DENND2A: variants seen among roughly 807,000 people sequenced by gnomAD.
DENND2A encodes the protein DENN domain containing 2A.
Under a neutral mutation model 105.3 loss-of-function variants are expected in DENND2A, and 53 were observed. The observed-to-expected ratio is 0.50, with a 90% CI of 0.40 to 0.63. DENND2A has a LOEUF of 0.63. Among genes scored for constraint, DENND2A ranks in the 30% least tolerant of loss-of-function variants. DENND2A has a pLI of 0.00. For missense variants in DENND2A, 1,138 were observed against 1,279.6 expected, an observed-to-expected ratio of 0.89 and a Z score of 1.69; for synonymous variants, 522 against 508.4, an observed-to-expected ratio of 1.03 and a Z score of -0.36.
At chr7:140,592,301 G>A (rs1799089378) in intron 3 of DENND2A, among the ~76,000 whole-genome samples, 1 of 150,978 alleles carries the variant, frequency 6.6e-6, no homozygotes, top group African/African-American at 2.4e-5. Context: ...CCACCTCCTC[G>A]GTTCACACCA....
chr7:140,595,628 G>A (rs543030943), intron 3 of DENND2A, among the ~76,000 whole-genome samples: 1 of 152,238 alleles, frequency 6.6e-6, no homozygotes, highest in East Asian at 1.9e-4. Flanking sequence ...AATTAGCTGG[G>A]TGTGGTGGCA....
chr7:140,595,197 GAGTT>G (rs1052917183), intron 3 of DENND2A, among the ~76,000 whole-genome samples: 8 of 151,782 alleles, frequency 5.3e-5, no homozygotes, highest in African/African-American at 1.5e-4. Context: ...AGTAGAGACA[GAGTT>G]TCCCCATGTT....
chr7:140,592,140 A>G (rs1585711002), intron 3 of DENND2A, among the ~76,000 whole-genome samples: 1 of 149,156 alleles, frequency 6.7e-6, no homozygotes. Context: ...TCTGGGTTCA[A>G]GCAATTCTCC....
In DENND2A at chr7:140,602,126, T is replaced by C; in HGVS notation, c.272A>G (p.Gln91Arg). 6.2e-7 allele frequency: 1 copy of C among 1,614,164 alleles called. No individual in the cohort carries two copies. The highest frequency in any genetic ancestry group is 8.5e-7 in the Non-Finnish European group (1 of 1,180,016). ...CATTCCATTCTTAGCCTCTGTGACC[T>C]GAGTTCTCACCCCATCACTACTCCT... ...ERRSSDGVRT[Q>R]VTEAKNGMRP... The change falls in exon 3 of 20, where the codon CAG becomes CGG. Residue 91 changes from glutamine to arginine, a missense_variant. By Grantham distance (43) the Gln-to-Arg change is conservative. This residue lies in a region of DENND2A where 511 missense variants were observed against 499.9 expected (regional missense o/e 1.02). Coordinates refer to ENST00000496613, the MANE Select transcript of DENND2A (RefSeq NM_015689.5).
chr7:140,569,867 T>A, intron 6 of DENND2A, 129 bp from the exon 7 acceptor site: 1 of 675,190 alleles, frequency 1.5e-6, no homozygotes, highest in East Asian at 2.5e-5. Flanking sequence ...AAACTTCCCA[T>A]GGGCTCATGG....
At position 140,585,580 on chromosome 7, in the gene DENND2A, G is replaced by C; in HGVS notation, c.1245+9C>G. ...CCCTCTCCTGCCACCATTCCCAGGGGACTCATACCTTGGTGAGTGTGTCAG... is the reference window on the plus strand; with the variant it reads ...CCCTCTCCTGCCACCATTCCCAGGGCACTCATACCTTGGTGAGTGTGTCAG... On this transcript the variant is annotated intron_variant, in intron 5 of 19. Transcript: ENST00000496613. 1 of 1,614,012 alleles carries C rather than the reference G, an allele frequency of 6.2e-7. No individual in the cohort carries two copies. Among genetic ancestry groups the C allele is most frequent in the Non-Finnish European group, 8.5e-7 (1 of 1,180,004 alleles).
chr7:140,627,360 C>T (rs1323661581), intron 1 of DENND2A, among the ~76,000 whole-genome samples: 2 of 151,874 alleles, frequency 1.3e-5, no homozygotes, highest in Admixed American at 6.6e-5. Flanking sequence ...TACAGGCGCA[C>T]ACCACCATGC....
chr7:140,597,662 T>C (rs1308805432), intron 3 of DENND2A, among the ~76,000 whole-genome samples: 1 of 152,170 alleles, frequency 6.6e-6, no homozygotes, highest in Non-Finnish European at 1.5e-5. Context: ...AGAGAAAAGA[T>C]AATGGGAATA....
At chr7:140,532,718 G>A (rs1284102294) in intron 14 of DENND2A, among the ~76,000 whole-genome samples, 1 of 151,986 alleles carries the variant, frequency 6.6e-6, no homozygotes, top group East Asian at 1.9e-4. Context: ...AGGAATGCAG[G>A]CATGAGGAGG....
chr7:140,586,892 C>A (rs919628916), intron 4 of DENND2A, among the ~76,000 whole-genome samples: 6 of 152,136 alleles, frequency 3.9e-5, no homozygotes, highest in Non-Finnish European at 8.8e-5. Flanking sequence ...CACCAGCACA[C>A]ACATATGGGT....
intron 10 of DENND2A, 135 bp from the exon 11 acceptor site, chr7:140,558,347 C>A: frequency 3.2e-6 from 2 of 618,112 alleles, no homozygotes; most frequent in Non-Finnish European, 5.8e-6. Context: ...ACTCCCTGTC[C>A]CACCTGTCCC....
chr7:140,616,006 CTAAG>C (rs1800072414), intron 1 of DENND2A, among the ~76,000 whole-genome samples: 1 of 152,160 alleles, frequency 6.6e-6, no homozygotes, highest in Non-Finnish European at 1.5e-5. Flanking sequence ...AAACATTATA[CTAAG>C]TGAGAGAAGC....
chr7:140,559,961 C>A lies in DENND2A; in HGVS notation c.1780-144G>T. 8 of 697,730 alleles carry A rather than the reference C, an allele frequency of 1.1e-5. No individual in the cohort carries two copies. The highest frequency in any genetic ancestry group is 4.7e-5 in the South Asian group (3 of 63,918). 43.2% of individuals were successfully genotyped at this position (697,730 alleles called of 1,614,324 possible). A position where few individuals can be genotyped will look rare whatever the true frequency, so the allele number is the denominator to read the frequency against. ...CTTCCCTTGGGAAGAGCTTGCAGCT[C>A]AGTCGGCTGGGGCATTTTCCCCCCA... On this transcript the variant is annotated intron_variant, in intron 9 of 19. Transcript: ENST00000496613. The surrounding 1 kb of genome is among the most constrained non-coding windows in gnomAD (Gnocchi z 4.1).
At chr7:140,599,447 C>T (rs1261542234) in intron 3 of DENND2A, among the ~76,000 whole-genome samples, 1 of 151,942 alleles carries the variant, frequency 6.6e-6, no homozygotes, top group Non-Finnish European at 1.5e-5. Flanking sequence ...ACACTTCACA[C>T]ATATTGAACA....
chr7:140,590,706 A>G (rs181454524), intron 3 of DENND2A, among the ~76,000 whole-genome samples: 1 of 151,678 alleles, frequency 6.6e-6, no homozygotes, highest in Non-Finnish European at 1.5e-5. Context: ...CTCTACAAAA[A>G]CTAACAATTA....
chr7:140,589,099 C>T (rs1039288859), intron 3 of DENND2A, among the ~76,000 whole-genome samples: 2 of 152,058 alleles, frequency 1.3e-5, no homozygotes, highest in African/African-American at 4.8e-5. Context: ...AGATAAATTG[C>T]TCCAGGTATA....
At chr7:140,549,208 A>G (rs879847166) in intron 12 of DENND2A, among the ~76,000 whole-genome samples, 1 of 151,822 alleles carries the variant, frequency 6.6e-6, no homozygotes, top group Non-Finnish European at 1.5e-5. Context: ...CCTGGGTGAC[A>G]AGAGCAAAAC....
rs370003015 is a variant in DENND2A at position 140,519,690 on chromosome 7, A to G, written c.2940T>C (p.Tyr980=). The change falls in exon 19 of 20, where the codon TAT becomes TAC. Residue 980 remains tyrosine, a synonymous_variant. Coordinates refer to ENST00000496613, the MANE Select transcript of DENND2A (RefSeq NM_015689.5). ...GCTCTCCACTGGGGAGTGTTTCCAG[A>G]TACTCTTGGGCTCGGACCTCAAACA... ...KGLFEVRAQE[Y]LETLPSGEHS... 1.3e-4 allele frequency: 206 copies of G among 1,613,988 alleles called. No individual in the cohort carries two copies. The highest frequency in any genetic ancestry group is 1.7e-4 in the Non-Finnish European group (204 of 1,180,036).
chr7:140,602,140 A>T lies in DENND2A; in HGVS notation c.258T>A (p.Asp86Glu), dbSNP rs774134686. Residue 86 changes from aspartate to glutamate, a missense_variant, in exon 3 of 20, where the codon GAT (aspartate) becomes GAA (glutamate). Physicochemically the swap from Asp to Glu is conservative, Grantham distance 45. Transcript: ENST00000496613. ...CCTCTGTGACCTGAGTTCTCACCCC[A>T]TCACTACTCCTCCTCTCCACCGTAG... ...PSSTVERRSSDGVRTQVTEAK... is the reference protein window; with the variant it reads ...PSSTVERRSSEGVRTQVTEAK... 3.1e-6 allele frequency: 5 copies of T among 1,613,654 alleles called. No individual in the cohort carries two copies. The Admixed American group carries it at 8.3e-5, about 27-fold the overall frequency.
Sources: allele counts gnomAD v4.1 joint callset (sites outside exome capture counted in the v4.1 genomes callset), GRCh38; gene constraint gnomAD v4.1.1; regional missense constraint gnomAD v4.1.1; non-coding constraint Gnocchi (gnomAD v3.1); transcripts MANE v1.5; gene names NCBI Gene and HGNC (gene_info 2026-07-23, HGNC 2026-07-21).